Variants in PTPRG observed in about 807,000 individuals in gnomAD.
PTPRG encodes receptor-type tyrosine-protein phosphatase gamma.
PTPRG carries 102 observed loss-of-function variants against 165.3 expected under a neutral mutation model. The observed-to-expected ratio is 0.62, with a 90% CI of 0.53 to 0.73. PTPRG has a LOEUF of 0.73. Among genes scored for constraint, PTPRG ranks in the 30% least tolerant of loss-of-function variants. The pLI is 0.00. For synonymous variants in PTPRG, 675 were observed against 669.5 expected, an observed-to-expected ratio of 1.01 and a Z score of -0.13; for missense variants, 1,866 against 1,861.4, an observed-to-expected ratio of 1.00 and a Z score of -0.05.
chr3:62,035,042 A>G (rs1220043886), intron 4 of PTPRG, among the ~76,000 whole-genome samples: 1 of 152,188 alleles, frequency 6.6e-6, no homozygotes, highest in African/African-American at 2.4e-5. Context: ...CTCCACCAAG[A>G]CAGACCTCCA....
At chr3:61,680,659 A>C (rs561454771) in intron 1 of PTPRG, among the ~76,000 whole-genome samples, 1 of 151,592 alleles carries the variant, frequency 6.6e-6, no homozygotes, top group Non-Finnish European at 1.5e-5. Context: ...AAAAGAGGGC[A>C]TGGAAAAACC....
chr3:62,051,806 A>G (rs1424171120), intron 4 of PTPRG, among the ~76,000 whole-genome samples: 1 of 152,246 alleles, frequency 6.6e-6, no homozygotes, highest in Non-Finnish European at 1.5e-5. Flanking sequence ...TCTGTGTGCC[A>G]GGTGGTTACA....
At chr3:62,073,484 A>T (rs1023343964) in intron 4 of PTPRG, among the ~76,000 whole-genome samples, 16 of 148,288 alleles carry the variant, frequency 1.1e-4, no homozygotes, top group East Asian at 2.0e-4. Context: ...GAAGATATAA[A>T]TTTTTTTTTT....
chr3:61,859,818 G>T (rs1052122798), intron 2 of PTPRG, among the ~76,000 whole-genome samples: 7 of 152,068 alleles, frequency 4.6e-5, no homozygotes, highest in South Asian at 2.1e-4. Context: ...TTTAAACTGT[G>T]TGGTAATTAT....
At chr3:62,257,895 T>C (rs1207530953) in intron 16 of PTPRG, among the ~76,000 whole-genome samples, 1 of 152,048 alleles carries the variant, frequency 6.6e-6, no homozygotes, top group Non-Finnish European at 1.5e-5. Flanking sequence ...GCCCAGGATA[T>C]TGAGGCTGCA....
intron 2 of PTPRG, among the ~76,000 whole-genome samples, chr3:61,971,115 C>T (rs913188443): frequency 6.6e-6 from 1 of 152,104 alleles, no homozygotes; most frequent in Non-Finnish European, 1.5e-5. Flanking sequence ...TGCAGTGGTG[C>T]AATCTCAGCC....
At chr3:61,806,590 A>AT (rs34856012) in intron 2 of PTPRG, among the ~76,000 whole-genome samples, 64,395 of 151,788 alleles carry the variant, frequency 0.42, 15,574 homozygotes, top group East Asian at 0.66. Flanking sequence ...AGTGAATATC[A>AT]TTTTTTTTCT....
intron 4 of PTPRG, among the ~76,000 whole-genome samples, chr3:62,008,517 A>G (rs1378529103): frequency 6.6e-6 from 1 of 152,216 alleles, no homozygotes; most frequent in Non-Finnish European, 1.5e-5. Context: ...AATGTATACC[A>G]TGTACACGTT....
intron 5 of PTPRG, among the ~76,000 whole-genome samples, chr3:62,106,967 C>G (rs539517334): frequency 1.3e-5 from 2 of 152,128 alleles, no homozygotes; most frequent in Non-Finnish European, 2.9e-5. Context: ...TGATAACTGC[C>G]TTTTCTGGAT....
At position 62,293,300 on chromosome 3, in the gene PTPRG, T is replaced by C; in HGVS notation, c.4331T>C (p.Leu1444Pro). ...GACCCTGCTGAGAGCATGGAGTCCC[T>C]AGTGTGACTGGAATCCTGAAAGGGC... ...ESDPAESMES[L>P]V Residue 1444 changes from leucine (L) to proline (P), a missense_variant, in exon 30 of 30, where the codon CTA (leucine) becomes CCA (proline). Leu to Pro is a moderately conservative substitution (Grantham distance 98). Coordinates refer to ENST00000474889, the MANE Select transcript of PTPRG (RefSeq NM_002841.4). 6.4e-7 allele frequency: 1 copy of C among 1,570,398 alleles called. No homozygotes were observed.
intron 4 of PTPRG, among the ~76,000 whole-genome samples, chr3:62,016,020 AAT>A (rs1251426295): frequency 6.6e-6 from 1 of 152,106 alleles, no homozygotes. Flanking sequence ...TTCACTGCAT[AAT>A]ATGTTATATA....
chr3:61,718,454 G>T (rs867178592), intron 1 of PTPRG, among the ~76,000 whole-genome samples: 1 of 152,132 alleles, frequency 6.6e-6, no homozygotes, highest in African/African-American at 2.4e-5. Context: ...GGCTTCAGCG[G>T]GTTAAAAGAC....
intron 1 of PTPRG, among the ~76,000 whole-genome samples, chr3:61,564,562 C>T (rs1192754709): frequency 6.6e-6 from 1 of 152,160 alleles, no homozygotes; most frequent in South Asian, 2.1e-4. Context: ...AGGGAAAGGA[C>T]AGTGGTGGGA....
chr3:62,024,525 A>G (rs1473836886), intron 4 of PTPRG, among the ~76,000 whole-genome samples: 1 of 152,192 alleles, frequency 6.6e-6, no homozygotes, highest in East Asian at 1.9e-4. Context: ...GGTAGCCTGC[A>G]CTTCCTGTAT....
intron 2 of PTPRG, among the ~76,000 whole-genome samples, chr3:61,841,350 A>T (rs2036626921): frequency 6.6e-6 from 1 of 152,188 alleles, no homozygotes. Context: ...TAGGTGGAGA[A>T]ATTAAGAGCC....
intron 1 of PTPRG, among the ~76,000 whole-genome samples, chr3:61,595,750 C>T (rs1700685956): frequency 1.3e-5 from 2 of 152,136 alleles, no homozygotes; most frequent in Admixed American, 1.3e-4. Flanking sequence ...GTTTAGGTAA[C>T]TGATTCATAT....
At chr3:62,164,016 C>T (rs981207440) in intron 7 of PTPRG, among the ~76,000 whole-genome samples, 2 of 152,192 alleles carry the variant, frequency 1.3e-5, no homozygotes, top group South Asian at 2.1e-4. Flanking sequence ...GGAGACATTA[C>T]GTGATCTCAT....
intron 1 of PTPRG, among the ~76,000 whole-genome samples, chr3:61,582,950 G>A (rs1319010807): frequency 6.6e-6 from 1 of 152,184 alleles, no homozygotes; most frequent in Non-Finnish European, 1.5e-5. Flanking sequence ...AGGAGCGATA[G>A]AATAATGAGA....
At chr3:62,264,358 T>C (rs1701795364) in intron 17 of PTPRG, among the ~76,000 whole-genome samples, 2 of 152,006 alleles carry the variant, frequency 1.3e-5, no homozygotes, top group African/African-American at 2.4e-5. Context: ...GGGGTTTTAG[T>C]ATATTCACGG....
Sources: gnomAD v4.1 joint callset for allele counts (sites outside exome capture counted in the v4.1 genomes callset) on GRCh38, gnomAD v4.1.1 for gene constraint, MANE v1.5 for transcripts, NCBI Gene and HGNC (gene_info 2026-07-23, HGNC 2026-07-21) for gene names.